Variants in HDAC4 observed in about 807,000 individuals in gnomAD.
HDAC4 encodes histone deacetylase A.
HDAC4 carries 16 observed loss-of-function variants against 135.1 expected under a neutral mutation model. That is an observed-to-expected ratio of 0.12 (90% CI 0.08 to 0.18). The LOEUF is 0.18. Among genes scored for constraint, HDAC4 ranks in the 10% least tolerant of loss-of-function variants. The probability of loss-of-function intolerance (pLI) is 1.00; values close to 1 mark genes in which losing one functional copy is unlikely to be tolerated. For missense variants in HDAC4, 1,143 were observed against 1,511.8 expected, an observed-to-expected ratio of 0.76 and a Z score of 4.05; for synonymous variants, 685 against 653.4, an observed-to-expected ratio of 1.05 and a Z score of -0.74.
At chr2:239,357,528 T>C (rs1250106567) in intron 1 of HDAC4, among the ~76,000 whole-genome samples, 2 of 150,526 alleles carry the variant, frequency 1.3e-5, no homozygotes, top group African/African-American at 4.9e-5. Flanking sequence ...TTTGAGACTA[T>C]AAAATTGATA....
At chr2:239,346,156 C>A (rs1692645688) in intron 2 of HDAC4, among the ~76,000 whole-genome samples, 1 of 150,708 alleles carries the variant, frequency 6.6e-6, no homozygotes, top group African/African-American at 2.4e-5. Flanking sequence ...TGCACTCACC[C>A]AACACACACT....
At chr2:239,235,667 T>C (rs562851047) in intron 3 of HDAC4, among the ~76,000 whole-genome samples, 1 of 152,318 alleles carries the variant, frequency 6.6e-6, no homozygotes, top group Admixed American at 6.5e-5. Flanking sequence ...GAGGATTCTA[T>C]GTGGAAACGG....
intron 2 of HDAC4, among the ~76,000 whole-genome samples, chr2:239,279,192 G>C (rs1046814177): frequency 6.6e-5 from 10 of 152,206 alleles, no homozygotes; most frequent in Non-Finnish European, 1.3e-4. Context: ...CAAAGTGCCT[G>C]ATTTGCTGTT....
chr2:239,104,634 C>T (rs1194978711), intron 15 of HDAC4, among the ~76,000 whole-genome samples: 2 of 152,216 alleles, frequency 1.3e-5, no homozygotes, highest in African/African-American at 4.8e-5. Context: ...CCTAGGCAGC[C>T]CACGCTTGGG....
At chr2:239,359,305 T>C (rs955970077) in intron 1 of HDAC4, among the ~76,000 whole-genome samples, 7 of 152,218 alleles carry the variant, frequency 4.6e-5, no homozygotes, top group African/African-American at 1.7e-4. Flanking sequence ...CGGCACTATT[T>C]TGAAAATGCA....
intron 4 of HDAC4, among the ~76,000 whole-genome samples, chr2:239,179,590 C>T (rs1214126879): frequency 7.9e-5 from 12 of 152,348 alleles, no homozygotes; most frequent in Admixed American, 3.9e-4. Flanking sequence ...TCCACGAAAC[C>T]GGTCCCTGGT....
chr2:239,159,278 CCA>C (rs973038779), intron 6 of HDAC4, among the ~76,000 whole-genome samples: 6 of 150,534 alleles, frequency 4.0e-5, no homozygotes, highest in African/African-American at 1.2e-4. Flanking sequence ...CCACTCACGC[CCA>C]CACCTCACCT....
intron 3 of HDAC4, among the ~76,000 whole-genome samples, chr2:239,233,505 G>A (rs776406615): frequency 8.0e-5 from 12 of 150,076 alleles, no homozygotes; most frequent in Non-Finnish European, 1.6e-4. Context: ...CTGCTTCCAA[G>A]CATTACAGAT....
In HDAC4 at chr2:239,167,973, TGGGGAGGGACGGCTGTGTTC is replaced by T. The variant is rs1454750876; in HGVS notation, c.491-4070_491-4051del. On this transcript the variant is annotated intron_variant, in intron 5 of 26. Coordinates refer to ENST00000543185, the MANE Select transcript of HDAC4 (RefSeq NM_001378414.1). This position sits in a 1 kb window ranked among gnomAD's most constrained non-coding sequence, Gnocchi z 4.1. ...TCTGGGTGGGGCGGGGCGGGGCAGG[TGGGGAGGGACGGCTGTGTTC>T]GGGGAGGGACGGCTGTGCTCCCGGA... Among the ~76,000 whole-genome samples, 58 of 51,482 alleles carry T rather than the reference TGGGGAGGGACGGCTGTGTTC, an allele frequency of 1.1e-3. 1 individual carries two copies. The South Asian group carries it at 0.023, about 21-fold the overall frequency. 33.8% of individuals were successfully genotyped at this position (51,482 alleles called of 152,430 possible). A position where few individuals can be genotyped will look rare whatever the true frequency, so the allele number is the denominator to read the frequency against.
upstream of HDAC4, chr2:239,401,575 A>T (rs1459546926): frequency 4.4e-6 from 1 of 228,304 alleles, no homozygotes; most frequent in Non-Finnish European, 8.7e-6. Context: ...TCGCGCTTAG[A>T]GGGCACACAA....
In HDAC4 at chr2:239,084,882, A is replaced by ACC. The variant is rs140569180; in HGVS notation, c.2445-642_2445-641dup. Among the ~76,000 whole-genome samples the ACC allele has an allele frequency of 3.9e-5, 4 of 103,120 alleles. No homozygotes were observed. The Admixed American group carries it at 4.4e-4, about 11-fold the overall frequency. The allele number at this position is 103,120 out of a possible 152,430, so 67.7% of individuals were successfully genotyped here. A position where few individuals can be genotyped will look rare whatever the true frequency, so the allele number is the denominator to read the frequency against. ...ATGCCCCACAGATACGCCCATACCC[A>ACC]CCCCCCCCACGTAGACACACATGCA... On this transcript the variant is annotated intron_variant, in intron 19 of 26. Transcript: ENST00000543185.
chr2:239,240,132 G>A lies in HDAC4; in HGVS notation c.23-3468C>T, dbSNP rs1575496019. ...AAACACTAAAGGCGTTTTGCCAGAGGTGGCTGGTGGAACACAATCCTGGGG... is the reference window on the plus strand; with the variant it reads ...AAACACTAAAGGCGTTTTGCCAGAGATGGCTGGTGGAACACAATCCTGGGG... On this transcript the variant is annotated intron_variant, in intron 2 of 26. Coordinates refer to ENST00000543185, the MANE Select transcript of HDAC4 (RefSeq NM_001378414.1). This position sits in a 1 kb window ranked among gnomAD's most constrained non-coding sequence, Gnocchi z 4.5. Among the ~76,000 whole-genome samples, 1 of 152,282 alleles carries A rather than the reference G, an allele frequency of 6.6e-6. No individual in the cohort carries two copies. Among genetic ancestry groups the A allele is most frequent in the African/African-American group, 2.4e-5 (1 of 41,476 alleles).
At chr2:239,132,449 G>A (rs1025622176) in intron 11 of HDAC4, among the ~76,000 whole-genome samples, 1 of 152,186 alleles carries the variant, frequency 6.6e-6, no homozygotes, top group Admixed American at 6.5e-5. Context: ...GGAGGTGGCG[G>A]CATAGGACTG....
At chr2:239,065,268 C>T (rs980773618) in intron 24 of HDAC4, among the ~76,000 whole-genome samples, 8 of 152,174 alleles carry the variant, frequency 5.3e-5, no homozygotes, top group African/African-American at 7.2e-5. Flanking sequence ...AGTGTGTGAC[C>T]GCCTGTCTGG....
rs903730773 is a variant in HDAC4 at position 239,299,948 on chromosome 2, A to G, written c.22+52730T>C. Among the ~76,000 whole-genome samples, 1 of 152,206 alleles carries G rather than the reference A, an allele frequency of 6.6e-6. No homozygotes were observed. The highest frequency in any genetic ancestry group is 1.5e-5 in the Non-Finnish European group (1 of 68,030). On this transcript the variant is annotated intron_variant, in intron 2 of 26. Transcript: ENST00000543185. The surrounding 1 kb of genome is among the most constrained non-coding windows in gnomAD (Gnocchi z 4.0). ...GAGACAGAGAAGGAAGAGGGGTCCC[A>G]TCAGAGGACTCCCTGCAGTGCTCCA... is the stretch of plus-strand genomic sequence containing the variant.
Position 239,240,159 on chromosome 2 carries a change from TA to T in HDAC4, c.23-3496del, listed in dbSNP as rs1292838164. Among the ~76,000 whole-genome samples, 5 of 152,056 alleles carry T rather than the reference TA, an allele frequency of 3.3e-5. No individual in the cohort carries two copies. The highest frequency in any genetic ancestry group is 7.4e-5 in the Non-Finnish European group (5 of 68,004). ...GGCTGGTGGAACACAATCCTGGGGG[TA>T]AAGCAGTGGCGGTGAGTGCACTTTG... is the stretch of plus-strand genomic sequence containing the variant. On this transcript the variant is annotated intron_variant, in intron 2 of 26. Coordinates refer to ENST00000543185, the MANE Select transcript of HDAC4 (RefSeq NM_001378414.1). The surrounding 1 kb of genome is among the most constrained non-coding windows in gnomAD (Gnocchi z 4.5).
intron 12 of HDAC4, among the ~76,000 whole-genome samples, chr2:239,123,798 G>A (rs1045120943): frequency 6.6e-6 from 1 of 152,208 alleles, no homozygotes; most frequent in Non-Finnish European, 1.5e-5. Flanking sequence ...TGTTGGTGGT[G>A]TAGGGGTCTC....
intron 1 of HDAC4, among the ~76,000 whole-genome samples, chr2:239,388,180 T>C (rs1009377156): frequency 6.6e-6 from 1 of 152,316 alleles, no homozygotes; most frequent in Middle Eastern, 3.4e-3. Flanking sequence ...ATTGACCTCC[T>C]GTGTTACTTA....
At chr2:239,161,085 CT>C (rs1416737968) in intron 6 of HDAC4, among the ~76,000 whole-genome samples, 1 of 152,154 alleles carries the variant, frequency 6.6e-6, no homozygotes, top group Non-Finnish European at 1.5e-5. Flanking sequence ...ATCCCCATGC[CT>C]TTTTTTGTGA....
Sources: allele counts gnomAD v4.1 joint callset (sites outside exome capture counted in the v4.1 genomes callset), GRCh38; gene constraint gnomAD v4.1.1; non-coding constraint Gnocchi (gnomAD v3.1); transcripts MANE v1.5; gene names NCBI Gene and HGNC (gene_info 2026-07-23, HGNC 2026-07-21).